CDHR3: variants seen among roughly 807,000 people sequenced by gnomAD.
The protein encoded by CDHR3 is cadherin-related family member 3.
CDHR3 carries 79 observed loss-of-function variants against 86.6 expected under a neutral mutation model. The ratio of observed to expected loss-of-function variants is 0.91; its 90% confidence interval spans 0.76 to 1.10. The LOEUF (loss-of-function observed/expected upper bound fraction) is 1.10. Among genes scored for constraint, CDHR3 ranks in the 50% least tolerant of loss-of-function variants. CDHR3 has a pLI of 0.00. For missense variants in CDHR3, 1,081 were observed against 1,077.6 expected (o/e 1.00, Z -0.04); for synonymous variants, 421 against 402.4 (o/e 1.05, Z -0.55).
intron 16 of CDHR3, among the ~76,000 whole-genome samples, chr7:106,027,490 G>A (rs1454333210): frequency 2.0e-5 from 3 of 152,056 alleles, no homozygotes; most frequent in African/African-American, 7.2e-5. Flanking sequence ...AGTGAGAAGG[G>A]GGAGATGAGG....
At chr7:106,028,293 T>C (rs573960515) in intron 16 of CDHR3, 34 of 483,544 alleles carry the variant, frequency 7.0e-5, no homozygotes, top group African/African-American at 6.3e-4. Context: ...GGTCCACTGA[T>C]AATAAGCTAG....
At chr7:106,003,821 C>T (rs1401395984) in intron 7 of CDHR3, among the ~76,000 whole-genome samples, 1 of 152,042 alleles carries the variant, frequency 6.6e-6, no homozygotes, top group Non-Finnish European at 1.5e-5. Context: ...CATCCTGATG[C>T]CCTGTCAGCT....
chr7:105,984,067 G>A (rs1830177040), intron 3 of CDHR3, 125 bp from the exon 4 acceptor site: 2 of 490,362 alleles, frequency 4.1e-6, no homozygotes, highest in South Asian at 4.0e-5. Flanking sequence ...TTTTTTTATT[G>A]CATTCTTGGT....
chr7:105,996,450 T>C (rs1328095974), intron 6 of CDHR3, 96 bp downstream of exon 6: 5 of 625,816 alleles, frequency 8.0e-6, no homozygotes. Flanking sequence ...GGCAGAGGGA[T>C]GCCCTTTGCT....
intron 2 of CDHR3, among the ~76,000 whole-genome samples, chr7:105,978,940 T>C (rs1293554972): frequency 1.3e-5 from 2 of 152,076 alleles, no homozygotes; most frequent in African/African-American, 2.4e-5. Context: ...GGGAGCCAGG[T>C]TGTAAATCAG....
chr7:105,983,469 G>C (rs928541051), intron 3 of CDHR3, among the ~76,000 whole-genome samples: 2 of 152,182 alleles, frequency 1.3e-5, no homozygotes, highest in African/African-American at 2.4e-5. Context: ...CTGTTATGAA[G>C]ATGAAAATAG....
In CDHR3 at chr7:105,994,780, C is replaced by T. The variant is rs766406640; in HGVS notation, c.543C>T (p.Phe181=). The change falls in exon 5 of 19, where the codon TTC becomes TTT. Residue 181 remains phenylalanine (F), a synonymous_variant. Coordinates refer to ENST00000317716, the MANE Select transcript of CDHR3 (RefSeq NM_152750.5). ...SYFLISPPKS[F]RMSANGTLFS... ...TCCTGATTTCTCCCCCAAAGAGCTT[C>T]AGAATGTCTGCTAATGGCACCCTCT... 169 of 1,612,534 alleles carry T rather than the reference C, an allele frequency of 1.0e-4. 1 individual carries two copies. Among genetic ancestry groups the T allele is most frequent in the Non-Finnish European group, 1.4e-4 (162 of 1,179,360 alleles).
At chr7:105,965,915 T>G (rs1052810841) in intron 1 of CDHR3, among the ~76,000 whole-genome samples, 2 of 152,190 alleles carry the variant, frequency 1.3e-5, no homozygotes, top group African/African-American at 4.8e-5. Flanking sequence ...TTCCCCACAT[T>G]TACTGATACA....
intron 10 of CDHR3, among the ~76,000 whole-genome samples, chr7:106,015,659 C>G (rs183929996): frequency 6.6e-6 from 1 of 152,122 alleles, no homozygotes. Context: ...CCTCCCTGCC[C>G]CATTTGTCTA....
intron 4 of CDHR3, among the ~76,000 whole-genome samples, chr7:105,994,185 T>A (rs956536877): frequency 6.6e-6 from 1 of 152,156 alleles, no homozygotes; most frequent in Non-Finnish European, 1.5e-5. Context: ...AGTGACCAGA[T>A]CCTACTCACT....
intron 1 of CDHR3, among the ~76,000 whole-genome samples, chr7:105,969,112 G>T (rs1343229068): frequency 2.8e-5 from 3 of 106,990 alleles, no homozygotes; most frequent in African/African-American, 9.2e-5. Context: ...AATAAAAAAA[G>T]TGGGCCGGGC....
intron 4 of CDHR3, among the ~76,000 whole-genome samples, chr7:105,985,660 T>TAAAAAA (rs779792800): frequency 6.8e-6 from 1 of 146,960 alleles, no homozygotes. Context: ...TCCTTCTGTG[T>TAAAAAA]AAAAAAAAAA....
intron 9 of CDHR3, 84 bp from the exon 10 acceptor site, chr7:106,015,027 C>A: frequency 9.1e-7 from 1 of 1,094,660 alleles, no homozygotes; most frequent in Non-Finnish European, 1.3e-6. Context: ...TATATATCCA[C>A]TAGCAGTATA....
intron 14 of CDHR3, 35 bp from the exon 15 acceptor site, chr7:106,024,346 C>T: frequency 6.3e-7 from 1 of 1,593,920 alleles, no homozygotes; most frequent in East Asian, 2.2e-5. Flanking sequence ...TCACTACCAC[C>T]CTCTACTCAC....
intron 3 of CDHR3, among the ~76,000 whole-genome samples, chr7:105,983,128 C>T (rs1830016002): frequency 6.6e-6 from 1 of 152,222 alleles, no homozygotes; most frequent in Non-Finnish European, 1.5e-5. Flanking sequence ...AATATACACA[C>T]ATTTTCCTCA....
At chr7:105,974,737 A>G (rs1414868127) in intron 1 of CDHR3, 107 bp from the exon 2 acceptor site, 4 of 811,638 alleles carry the variant, frequency 4.9e-6, no homozygotes, top group African/African-American at 1.7e-5. Context: ...ACCAGCTCTC[A>G]TCGTCACCCT....
At chr7:106,008,655 T>G (rs1214442476) in intron 8 of CDHR3, among the ~76,000 whole-genome samples, 2 of 152,172 alleles carry the variant, frequency 1.3e-5, no homozygotes, top group African/African-American at 4.8e-5. Context: ...TAGTTAGGAT[T>G]GTGACTTCCA....
chr7:105,974,771 C>T, intron 1 of CDHR3, 73 bp from the exon 2 acceptor site: 1 of 1,233,666 alleles, frequency 8.1e-7, no homozygotes, highest in Non-Finnish European at 1.2e-6. Context: ...AAGCCACAAA[C>T]CAAGCTGTTA....
intron 12 of CDHR3, among the ~76,000 whole-genome samples, chr7:106,018,688 G>C (rs1836044954): frequency 6.6e-6 from 1 of 152,114 alleles, no homozygotes; most frequent in Non-Finnish European, 1.5e-5. Context: ...TTCACTGAAG[G>C]CTGTTGGTGA....
Sources: gnomAD v4.1 joint callset for allele counts (sites outside exome capture counted in the v4.1 genomes callset) on GRCh38, gnomAD v4.1.1 for gene constraint, MANE v1.5 for transcripts, NCBI Gene and HGNC (gene_info 2026-07-23, HGNC 2026-07-21) for gene names.